SDK2: variants seen among roughly 807,000 people sequenced by gnomAD.
The protein encoded by SDK2 is protein sidekick-2.
Under a neutral mutation model 253.9 loss-of-function variants are expected in SDK2, and 105 were observed. The observed-to-expected ratio is 0.41, with a 90% CI of 0.35 to 0.49. SDK2 has a LOEUF of 0.49. Ranked by LOEUF, SDK2 falls within the 20% of genes least tolerant of loss-of-function variation. The pLI, the probability that SDK2 is intolerant of heterozygous loss-of-function variation, is 0.06. For synonymous variants in SDK2, 1,249 were observed against 1,234.9 expected, an observed-to-expected ratio of 1.01 and a Z score of -0.24; for missense variants, 2,608 against 3,003.0, an observed-to-expected ratio of 0.87 and a Z score of 3.07.
chr17:73,619,288 A>G (rs1360720771), intron 1 of SDK2, among the ~76,000 whole-genome samples: 3 of 152,044 alleles, frequency 2.0e-5, no homozygotes, highest in African/African-American at 7.2e-5. Flanking sequence ...CCTGTTTTTT[A>G]TAGCAAAACT....
chr17:73,586,223 C>T (rs895978879), intron 1 of SDK2, among the ~76,000 whole-genome samples: 2 of 152,148 alleles, frequency 1.3e-5, no homozygotes, highest in Admixed American at 1.3e-4. Context: ...GCCTCTCCTG[C>T]TGGCTAGCTC....
intron 28 of SDK2, among the ~76,000 whole-genome samples, chr17:73,390,881 G>A (rs2062922546): frequency 6.6e-6 from 1 of 152,204 alleles, no homozygotes; most frequent in Non-Finnish European, 1.5e-5. Flanking sequence ...TCTAGGGCAG[G>A]TGGTGCGTGA....
At position 73,469,986 on chromosome 17, in the gene SDK2, G is replaced by A. The variant is rs1044374087; in HGVS notation, c.331+2126C>T. On this transcript the variant is annotated intron_variant, in intron 3 of 44. Coordinates refer to ENST00000392650, the MANE Select transcript of SDK2 (RefSeq NM_001144952.2). Reference sequence around the variant, plus strand: ...TCCTGAATGGCATTTGCGACTGCGCGCGCGCGCACACACACACACACACAC... The same window carrying A: ...TCCTGAATGGCATTTGCGACTGCGCACGCGCGCACACACACACACACACAC... Among the ~76,000 whole-genome samples, 8 of 81,018 alleles carry A rather than the reference G, an allele frequency of 9.9e-5. 1 individual carries two copies. The highest frequency in any genetic ancestry group is 9.5e-4 in the South Asian group (2 of 2,098). 53.2% of individuals were successfully genotyped at this position (81,018 alleles called of 152,430 possible). A position where few individuals can be genotyped will look rare whatever the true frequency, so the allele number is the denominator to read the frequency against.
At chr17:73,550,311 A>G (rs1192124926) in intron 1 of SDK2, among the ~76,000 whole-genome samples, 1 of 152,134 alleles carries the variant, frequency 6.6e-6, no homozygotes, top group Non-Finnish European at 1.5e-5. Context: ...TCTGAAATAT[A>G]TGCTGCTTAA....
At chr17:73,347,282 C>A (rs1196930227) in intron 44 of SDK2, among the ~76,000 whole-genome samples, 1 of 152,142 alleles carries the variant, frequency 6.6e-6, no homozygotes, top group Non-Finnish European at 1.5e-5. Context: ...ATCACTTGAA[C>A]CCAGGAGGCA....
In SDK2 at chr17:73,430,185, C is replaced by A. The variant is rs147233254; in HGVS notation, c.1583+326G>T. On this transcript the variant is annotated intron_variant, in intron 12 of 44. Transcript: ENST00000392650. ...AGGGCCAGAGACAGCAGCTCCTTCC[C>A]TTCCATGCTCACTAACCCACAAGCC... Among the ~76,000 whole-genome samples the A allele has an allele frequency of 2.1e-3, 317 of 152,324 alleles. 1 individual carries two copies. Among genetic ancestry groups the A allele is most frequent in the African/African-American group, 7.5e-3 (311 of 41,562 alleles).
chr17:73,353,523 C>T (rs1004092669), intron 40 of SDK2, among the ~76,000 whole-genome samples: 2 of 152,042 alleles, frequency 1.3e-5, no homozygotes, highest in South Asian at 2.1e-4. Context: ...CGAGTTCAAG[C>T]GATTCTCCTG....
chr17:73,565,635 T>A lies in SDK2; in HGVS notation c.65-58038A>T, dbSNP rs78029621. ...AAAAGAACCACATAAAAATTCTAGATCTCTAATATGGTTCAGGTATTTATC... is the reference window on the plus strand; with the variant it reads ...AAAAGAACCACATAAAAATTCTAGAACTCTAATATGGTTCAGGTATTTATC... On this transcript the variant is annotated intron_variant, in intron 1 of 44. Transcript: ENST00000392650. Among the ~76,000 whole-genome samples the A allele has an allele frequency of 8.8e-3, 1,341 of 152,288 alleles. 26 individuals carry two copies. The highest frequency in any genetic ancestry group is 0.031 in the African/African-American group (1,305 of 41,538).
intron 2 of SDK2, among the ~76,000 whole-genome samples, chr17:73,483,214 G>T (rs1215851642): frequency 6.6e-6 from 1 of 151,808 alleles, no homozygotes. Flanking sequence ...TGATGCAGGA[G>T]CTGTGTCTGA....
intron 40 of SDK2, among the ~76,000 whole-genome samples, chr17:73,356,151 C>T (rs1306497099): frequency 6.6e-6 from 1 of 152,216 alleles, no homozygotes; most frequent in Non-Finnish European, 1.5e-5. Flanking sequence ...TGCCTGGGGC[C>T]ACCTCATTTC....
At chr17:73,555,947 G>T (rs77047125) in intron 1 of SDK2, among the ~76,000 whole-genome samples, 2,156 of 152,246 alleles carry the variant, frequency 0.014, 35 homozygotes, top group African/African-American at 0.049. Context: ...CAGAAGCAGT[G>T]GATGGTCCCT....
chr17:73,457,500 G>A (rs55979109), intron 3 of SDK2, among the ~76,000 whole-genome samples: 27,009 of 150,422 alleles, frequency 0.18, 2,838 homozygotes, highest in Admixed American at 0.35. Context: ...ACAGGCACCC[G>A]CCAGCACGCC....
At chr17:73,571,587 C>T (rs540705856) in intron 1 of SDK2, among the ~76,000 whole-genome samples, 2 of 152,348 alleles carry the variant, frequency 1.3e-5, no homozygotes, top group South Asian at 2.1e-4. Flanking sequence ...AAAGCCATTA[C>T]AGCTCACTTA....
At chr17:73,556,752 A>G (rs905521408) in intron 1 of SDK2, among the ~76,000 whole-genome samples, 1 of 152,214 alleles carries the variant, frequency 6.6e-6, no homozygotes, top group African/African-American at 2.4e-5. Flanking sequence ...AGCTGTCAGC[A>G]CAAATTCTGG....
Position 73,380,911 on chromosome 17 carries a change from G to A in SDK2, c.4745C>T (p.Thr1582Met), listed in dbSNP as rs769720071. The change falls in exon 34 of 45, where the codon ACG becomes ATG. Residue 1582 changes from threonine (T) to methionine (M), a missense_variant. This residue lies in a region of SDK2 where 1,103 missense variants were observed against 1,143.9 expected (regional missense o/e 0.96). Transcript: ENST00000392650. ...AGACTTACTGTCCAGCTCGTACTGC[G>A]TGAGGCTGGGCCGGCTCAGGTTCCG... ...SMRNLSRPSLTQYELDNLNKH... is the reference protein window; with the variant it reads ...SMRNLSRPSLMQYELDNLNKH... The A allele has an allele frequency of 1.3e-5, 20 of 1,554,496 alleles. No homozygotes were observed. Among genetic ancestry groups the A allele is most frequent in the East Asian group, 4.8e-5 (2 of 41,556 alleles).
At chr17:73,439,949 C>G (rs866272593) in intron 6 of SDK2, among the ~76,000 whole-genome samples, 2 of 152,108 alleles carry the variant, frequency 1.3e-5, no homozygotes, top group African/African-American at 4.8e-5. Context: ...TGGGAAGGTG[C>G]TTAGCAGGAT....
chr17:73,392,348 C>T (rs2145500651), intron 27 of SDK2, among the ~76,000 whole-genome samples: 2 of 152,044 alleles, frequency 1.3e-5, no homozygotes, highest in Middle Eastern at 3.4e-3. Flanking sequence ...CAGCTCACTG[C>T]AAGCTCCGCC....
intron 12 of SDK2, among the ~76,000 whole-genome samples, chr17:73,424,860 A>C (rs1238278647): frequency 2.6e-5 from 4 of 152,210 alleles, no homozygotes; most frequent in African/African-American, 9.6e-5. Flanking sequence ...TCCCAGGACT[A>C]TCTGGGTTTA....
At position 73,494,630 on chromosome 17, in the gene SDK2, T is replaced by C. The variant is rs73349750; in HGVS notation, c.224+12808A>G. On this transcript the variant is annotated intron_variant, in intron 2 of 44. Transcript: ENST00000392650. ...AATTGACATAATTTTTGCGAGGTTGTCAACTCAAGGCACAAGGAGCCAGCT... is the reference window on the plus strand; with the variant it reads ...AATTGACATAATTTTTGCGAGGTTGCCAACTCAAGGCACAAGGAGCCAGCT... 1.7e-3 allele frequency among the ~76,000 whole-genome samples: 261 copies of C among 152,320 alleles called. 1 individual carries two copies. The highest frequency in any genetic ancestry group is 5.9e-3 in the African/African-American group (246 of 41,570).
Sources: allele counts gnomAD v4.1 joint callset (sites outside exome capture counted in the v4.1 genomes callset), GRCh38; gene constraint gnomAD v4.1.1; regional missense constraint gnomAD v4.1.1; transcripts MANE v1.5; gene names NCBI Gene and HGNC (gene_info 2026-07-23, HGNC 2026-07-21).